Variants in SDC2 observed in about 807,000 individuals in gnomAD.
SDC2 encodes the protein syndecan 2, also known as syndecan-2.
SDC2 carries 13 observed loss-of-function variants against 22.2 expected under a neutral mutation model. The ratio of observed to expected loss-of-function variants is 0.59; its 90% confidence interval spans 0.38 to 0.93. The LOEUF (loss-of-function observed/expected upper bound fraction) is 0.93. Ranked by LOEUF, SDC2 falls within the 40% of genes least tolerant of loss-of-function variation. The pLI, the probability that SDC2 is intolerant of heterozygous loss-of-function variation, is 0.00. For missense variants in SDC2, 235 were observed against 246.8 expected, an observed-to-expected ratio of 0.95 and a Z score of 0.32; for synonymous variants, 94 against 92.8, an observed-to-expected ratio of 1.01 and a Z score of -0.07.
chr8:96,526,087 G>A (rs1586280290), intron 1 of SDC2, among the ~76,000 whole-genome samples: 1 of 143,398 alleles, frequency 7.0e-6, no homozygotes, highest in South Asian at 2.2e-4. Flanking sequence ...TTGGATGTGC[G>A]GGCCAGGCAT....
chr8:96,601,768 A>G (rs1814991749), intron 2 of SDC2, among the ~76,000 whole-genome samples: 1 of 151,562 alleles, frequency 6.6e-6, no homozygotes, highest in African/African-American at 2.4e-5. Flanking sequence ...GGTTTTTTTA[A>G]TTTTTATTTT....
At chr8:96,542,629 A>G (rs1239470486) in intron 1 of SDC2, among the ~76,000 whole-genome samples, 1 of 152,114 alleles carries the variant, frequency 6.6e-6, no homozygotes, top group Non-Finnish European at 1.5e-5. Flanking sequence ...TGAAAGGGAC[A>G]GTTGGGGCAG....
At chr8:96,563,942 A>T (rs1586302134) in intron 1 of SDC2, among the ~76,000 whole-genome samples, 1 of 152,112 alleles carries the variant, frequency 6.6e-6, no homozygotes. Flanking sequence ...TGGCGGCTAC[A>T]CTCTGTCATT....
intron 1 of SDC2, among the ~76,000 whole-genome samples, chr8:96,533,958 G>T (rs369646797): frequency 6.6e-6 from 1 of 152,200 alleles, no homozygotes; most frequent in East Asian, 1.9e-4. Context: ...TGCCCCGCGG[G>T]GAGGCAGCTG....
At chr8:96,551,937 G>A (rs528839778) in intron 1 of SDC2, among the ~76,000 whole-genome samples, 67 of 152,248 alleles carry the variant, frequency 4.4e-4, no homozygotes, top group African/African-American at 1.5e-3. Context: ...TTTACTGCTG[G>A]GGGCAGGGTA....
intron 1 of SDC2, among the ~76,000 whole-genome samples, chr8:96,534,622 A>G (rs978386837): frequency 6.6e-6 from 1 of 151,782 alleles, no homozygotes; most frequent in Non-Finnish European, 1.5e-5. Context: ...TTTTTTGTAG[A>G]GACGAGGGCT....
At chr8:96,506,824 A>G (rs1813247525) in intron 1 of SDC2, among the ~76,000 whole-genome samples, 2 of 152,080 alleles carry the variant, frequency 1.3e-5, no homozygotes, top group Non-Finnish European at 2.9e-5. Flanking sequence ...ATCCTGGATA[A>G]CAAAATGAAA....
At chr8:96,566,027 G>A (rs1265612892) in intron 1 of SDC2, among the ~76,000 whole-genome samples, 1 of 151,962 alleles carries the variant, frequency 6.6e-6, no homozygotes, top group Non-Finnish European at 1.5e-5. Context: ...CTTAGATGAA[G>A]TCCTTTTCCC....
chr8:96,599,129 G>T (rs2130646452), intron 2 of SDC2, among the ~76,000 whole-genome samples: 1 of 152,000 alleles, frequency 6.6e-6, no homozygotes, highest in South Asian at 2.1e-4. Context: ...TTTTAGTAGG[G>T]ATGGGGTTTC....
intron 1 of SDC2, among the ~76,000 whole-genome samples, chr8:96,498,780 A>G (rs775574043): frequency 1.1e-4 from 17 of 152,134 alleles, no homozygotes; most frequent in Non-Finnish European, 1.9e-4. Flanking sequence ...GTGAGCCACT[A>G]TGCCTGGCCA....
At chr8:96,536,550 G>A (rs573588320) in intron 1 of SDC2, among the ~76,000 whole-genome samples, 1 of 151,544 alleles carries the variant, frequency 6.6e-6, no homozygotes, top group South Asian at 2.1e-4. Context: ...TCCAACTCCT[G>A]GACTCAAGCA....
At chr8:96,524,359 G>A (rs1346681935) in intron 1 of SDC2, among the ~76,000 whole-genome samples, 1 of 152,192 alleles carries the variant, frequency 6.6e-6, no homozygotes, top group Non-Finnish European at 1.5e-5. Flanking sequence ...CTCGCTGTCT[G>A]TGCAGCTCCG....
intron 1 of SDC2, among the ~76,000 whole-genome samples, chr8:96,565,835 T>C (rs1814290974): frequency 6.6e-6 from 1 of 151,954 alleles, no homozygotes; most frequent in Admixed American, 6.6e-5. Context: ...GGCAGTAGAG[T>C]GATCAAAGAC....
chr8:96,540,885 C>T (rs1389882128), intron 1 of SDC2, among the ~76,000 whole-genome samples: 1 of 152,078 alleles, frequency 6.6e-6, no homozygotes, highest in Non-Finnish European at 1.5e-5. Context: ...GTCGTGCATT[C>T]TTTTTGAGTG....
At chr8:96,504,777 G>A (rs973729823) in intron 1 of SDC2, among the ~76,000 whole-genome samples, 2 of 152,132 alleles carry the variant, frequency 1.3e-5, no homozygotes, top group African/African-American at 4.8e-5. Context: ...ATTTAGAACT[G>A]GTTTTTATTT....
chr8:96,570,479 C>G (rs1814375144), intron 1 of SDC2, among the ~76,000 whole-genome samples: 1 of 152,144 alleles, frequency 6.6e-6, no homozygotes, highest in East Asian at 1.9e-4. Flanking sequence ...CCTTGGGGAA[C>G]TCATACTCTG....
chr8:96,530,432 G>A (rs1255889163), intron 1 of SDC2, among the ~76,000 whole-genome samples: 3 of 152,140 alleles, frequency 2.0e-5, no homozygotes, highest in African/African-American at 7.2e-5. Context: ...TCAGGAGTTC[G>A]AGATCAGCCT....
chr8:96,560,143 C>T (rs896043717), intron 1 of SDC2, among the ~76,000 whole-genome samples: 2 of 152,144 alleles, frequency 1.3e-5, no homozygotes, highest in Non-Finnish European at 2.9e-5. Flanking sequence ...TACCCCTACC[C>T]TGTCATTCTC....
chr8:96,544,655 A>G (rs1039710455), intron 1 of SDC2, among the ~76,000 whole-genome samples: 1 of 152,044 alleles, frequency 6.6e-6, no homozygotes, highest in Non-Finnish European at 1.5e-5. Flanking sequence ...GGCACTGGCC[A>G]TTTCTCATTC....
Sources: gnomAD v4.1 joint callset for allele counts (sites outside exome capture counted in the v4.1 genomes callset) on GRCh38, gnomAD v4.1.1 for gene constraint, MANE v1.5 for transcripts, NCBI Gene and HGNC (gene_info 2026-07-23, HGNC 2026-07-21) for gene names.